The following WDR49 variants were observed in gnomAD, a reference collection of about 807,000 sequenced individuals.
WDR49 encodes the protein WD repeat domain 49.
Under a neutral mutation model 119.5 loss-of-function variants are expected in WDR49, and 107 were observed. The observed-to-expected ratio is 0.90, with a 90% CI of 0.77 to 1.05. The LOEUF (loss-of-function observed/expected upper bound fraction) is 1.05, where lower values mean the gene tolerates loss of function less well. Ranked by LOEUF, WDR49 falls within the 50% of genes least tolerant of loss-of-function variation. The probability of loss-of-function intolerance (pLI) is 0.00; values close to 1 mark genes in which losing one functional copy is unlikely to be tolerated. For synonymous variants in WDR49, 425 were observed against 418.8 expected, an observed-to-expected ratio of 1.01 and a Z score of -0.18; for missense variants, 1,240 against 1,220.5, an observed-to-expected ratio of 1.02 and a Z score of -0.24.
At position 167,609,067 on chromosome 3, in the gene WDR49, A is replaced by G. The variant is rs2108312228; in HGVS notation, c.959-4599T>C. The stretch of plus-strand genomic sequence containing the variant: ...AAAAACTAAGTAAGTAATGCTATTA[A>G]GTGCACTTAGAGTAAGATAAAATAA... On this transcript the variant is annotated intron_variant, in intron 5 of 18. Coordinates refer to ENST00000682715, the MANE Select transcript of WDR49 (RefSeq NM_001366157.1). Among the ~76,000 whole-genome samples, 3 of 152,286 alleles carry G rather than the reference A, an allele frequency of 2.0e-5. No individual in the cohort carries two copies. The Middle Eastern group carries it at 0.01, about 518-fold the overall frequency.
chr3:167,484,683 T>A (rs537543772), intron 18 of WDR49, among the ~76,000 whole-genome samples: 22 of 119,186 alleles, frequency 1.8e-4, no homozygotes, highest in African/African-American at 7.3e-4. Flanking sequence ...TATCACAGGA[T>A]GATGGCAAAA....
At chr3:167,640,176 A>G (rs1238585597) in intron 2 of WDR49, among the ~76,000 whole-genome samples, 1 of 151,826 alleles carries the variant, frequency 6.6e-6, no homozygotes, top group Admixed American at 6.6e-5. Context: ...CCGCATATAT[A>G]ATGACCTATA....
intron 11 of WDR49, among the ~76,000 whole-genome samples, chr3:167,536,645 ACT>A (rs1753038128): frequency 6.7e-6 from 1 of 149,588 alleles, no homozygotes; most frequent in Non-Finnish European, 1.5e-5. Flanking sequence ...TGGCCACTGC[ACT>A]CTAGCCTGGG....
intron 8 of WDR49, chr3:167,566,888 G>A (rs76506630): frequency 0.021 from 14,263 of 680,730 alleles, 481 homozygotes; most frequent in Admixed American, 0.1. Flanking sequence ...TCTTCACATT[G>A]AGAAGGCTGA....
intron 7 of WDR49, among the ~76,000 whole-genome samples, chr3:167,589,081 T>G (rs1714973855): frequency 6.6e-6 from 1 of 152,192 alleles, no homozygotes; most frequent in African/African-American, 2.4e-5. Context: ...GTATTAGATT[T>G]AAATCTATAA....
chr3:167,651,433 G>C (rs1718373927), intron 2 of WDR49, among the ~76,000 whole-genome samples: 1 of 152,120 alleles, frequency 6.6e-6, no homozygotes, highest in South Asian at 2.1e-4. Flanking sequence ...AGATGGACTG[G>C]ATACCATTAA....
intron 18 of WDR49, among the ~76,000 whole-genome samples, chr3:167,490,116 A>G (rs1444390055): frequency 6.6e-6 from 1 of 152,124 alleles, no homozygotes; most frequent in African/African-American, 2.4e-5. Flanking sequence ...TATTTCAGCC[A>G]CCATCCAGTA....
chr3:167,652,923 G>C (rs1484145137), intron 2 of WDR49, among the ~76,000 whole-genome samples: 1 of 152,186 alleles, frequency 6.6e-6, no homozygotes, highest in Non-Finnish European at 1.5e-5. Context: ...TCACCTTAGA[G>C]ATCTGGCTTT....
intron 7 of WDR49, among the ~76,000 whole-genome samples, chr3:167,578,363 A>C (rs1426381765): frequency 6.6e-6 from 1 of 152,230 alleles, no homozygotes; most frequent in Non-Finnish European, 1.5e-5. Flanking sequence ...CAATCCTTAG[A>C]GATGGCCTTC....
chr3:167,611,694 A>G (rs1382636723), intron 5 of WDR49, among the ~76,000 whole-genome samples: 1 of 152,210 alleles, frequency 6.6e-6, no homozygotes, highest in African/African-American at 2.4e-5. Flanking sequence ...CTATACTTTT[A>G]TCACACAAAA....
At chr3:167,485,930 C>T (rs1022221254) in intron 18 of WDR49, among the ~76,000 whole-genome samples, 17 of 151,568 alleles carry the variant, frequency 1.1e-4, no homozygotes, top group Non-Finnish European at 2.5e-4. Context: ...AAAAGAGGGC[C>T]ATCCCCAAGG....
At chr3:167,653,122 G>A in intron 2 of WDR49, 139 bp downstream of exon 2, 9 of 987,946 alleles carry the variant, frequency 9.1e-6, no homozygotes, top group Non-Finnish European at 1.3e-5. Flanking sequence ...TTAAATCCAG[G>A]CCTAACCAAT....
intron 3 of WDR49, among the ~76,000 whole-genome samples, chr3:167,623,651 A>T (rs1023372293): frequency 6.6e-6 from 1 of 151,946 alleles, no homozygotes; most frequent in African/African-American, 2.4e-5. Context: ...CAAGACAAGG[A>T]TGTTCACTCT....
At chr3:167,521,862 A>T (rs1752449679) in intron 16 of WDR49, among the ~76,000 whole-genome samples, 1 of 152,124 alleles carries the variant, frequency 6.6e-6, no homozygotes, top group South Asian at 2.1e-4. Context: ...AGAAGCCTTA[A>T]GGAAGTGATG....
Position 167,531,294 on chromosome 3 carries a change from A to G in WDR49, c.2054-15T>C, listed in dbSNP as rs374989670. 772 of 1,609,906 alleles carry G rather than the reference A, an allele frequency of 4.8e-4. 1 individual carries two copies. The highest frequency in any genetic ancestry group is 7.4e-4 in the Admixed American group (44 of 59,596). On this transcript the variant is annotated splice_polypyrimidine_tract_variant and intron_variant, in intron 12 of 18. Transcript: ENST00000682715. ...AGGTTTTGTATCTGTGAGGGAGACA[A>G]AGCCAAGTATATTAATGAAGAAAAA...
At chr3:167,531,470 T>C (rs1752852003) in intron 12 of WDR49, among the ~76,000 whole-genome samples, 191 bp from the exon 13 acceptor site, 1 of 152,158 alleles carries the variant, frequency 6.6e-6, no homozygotes, top group Non-Finnish European at 1.5e-5. Context: ...TTTGACATTA[T>C]TTTTGTTTTT....
chr3:167,550,884 C>T (rs1181688956), intron 10 of WDR49, among the ~76,000 whole-genome samples: 1 of 149,850 alleles, frequency 6.7e-6, no homozygotes, highest in East Asian at 2.0e-4. Flanking sequence ...TAGAACTATA[C>T]ATATTATATG....
chr3:167,625,397 A>G (rs1317710140), intron 3 of WDR49, among the ~76,000 whole-genome samples: 1 of 151,946 alleles, frequency 6.6e-6, no homozygotes, highest in African/African-American at 2.4e-5. Context: ...TTATACTGAT[A>G]ATAATAATAA....
intron 17 of WDR49, among the ~76,000 whole-genome samples, chr3:167,502,207 C>T (rs1303119878): frequency 6.6e-6 from 1 of 152,206 alleles, no homozygotes; most frequent in Non-Finnish European, 1.5e-5. Flanking sequence ...TCCACCACCA[C>T]TGTAAGGTTT....
Sources: allele counts gnomAD v4.1 joint callset (sites outside exome capture counted in the v4.1 genomes callset), GRCh38; gene constraint gnomAD v4.1.1; transcripts MANE v1.5; gene names NCBI Gene and HGNC (gene_info 2026-07-23, HGNC 2026-07-21).